XRCC4: variants seen among roughly 807,000 people sequenced by gnomAD.
XRCC4 encodes DNA repair protein XRCC4.
Under a neutral mutation model 39.1 loss-of-function variants are expected in XRCC4, and 28 were observed. That is an observed-to-expected ratio of 0.72 (90% CI 0.53 to 0.98). The LOEUF (loss-of-function observed/expected upper bound fraction) is 0.98, where lower values mean the gene tolerates loss of function less well. Ranked by LOEUF, XRCC4 falls within the 50% of genes least tolerant of loss-of-function variation. The pLI, the probability that XRCC4 is intolerant of heterozygous loss-of-function variation, is 0.00. For missense variants in XRCC4, 350 were observed against 376.4 expected (o/e 0.93, Z 0.58); for synonymous variants, 123 against 126.4 (o/e 0.97, Z 0.18).
chr5:83,194,238 G>A (rs907283339), intron 3 of XRCC4, among the ~76,000 whole-genome samples: 2 of 152,154 alleles, frequency 1.3e-5, no homozygotes, highest in Admixed American at 6.5e-5. Flanking sequence ...GAGCCACTGT[G>A]CTCGGCCAGG....
intron 2 of XRCC4, among the ~76,000 whole-genome samples, chr5:83,107,297 C>A (rs773325544): frequency 1.6e-4 from 25 of 151,864 alleles, no homozygotes; most frequent in Non-Finnish European, 2.8e-4. Context: ...TGGTACTTTA[C>A]ATGTAGACAA....
At chr5:83,087,594 T>C (rs1467708587) in intron 1 of XRCC4, among the ~76,000 whole-genome samples, 1 of 150,824 alleles carries the variant, frequency 6.6e-6, no homozygotes, top group East Asian at 2.0e-4. Context: ...GCCTGAGAGG[T>C]AGAGGTTGCA....
intron 3 of XRCC4, among the ~76,000 whole-genome samples, chr5:83,192,539 G>A (rs1750759297): frequency 6.6e-6 from 1 of 151,862 alleles, no homozygotes; most frequent in Non-Finnish European, 1.5e-5. Context: ...TCAAACTCTT[G>A]AGCTCAGGCA....
At chr5:83,097,634 T>C (rs954834899) in intron 1 of XRCC4, among the ~76,000 whole-genome samples, 2 of 152,024 alleles carry the variant, frequency 1.3e-5, no homozygotes, top group East Asian at 3.9e-4. Flanking sequence ...GGAATTGAAA[T>C]AAGAGAGGTG....
intron 7 of XRCC4, among the ~76,000 whole-genome samples, chr5:83,285,095 C>T (rs570594516): frequency 1.8e-4 from 28 of 152,222 alleles, no homozygotes; most frequent in African/African-American, 6.7e-4. Flanking sequence ...TTCTGCTTAT[C>T]TTTTAACCTC....
In XRCC4 at chr5:83,353,184, A is replaced by G. The variant is rs1451015947; in HGVS notation, c.947A>G (p.Asn316Ser). Residue 316 changes from asparagine (N) to serine (S), a missense_variant, in exon 8 of 8, where the codon AAC becomes AGC. Physicochemically the swap from Asn to Ser is conservative, Grantham distance 46. Coordinates refer to ENST00000396027, the MANE Select transcript of XRCC4 (RefSeq NM_003401.5). ...AAAAAGGAGCACATCTCAGCTGAAA[A>G]CATGTCTTTAGAAACTCTGAGAAAC... ...TSKKEHISAE[N>S]MSLETLRNSS... 6.2e-7 allele frequency: 1 copy of G among 1,612,662 alleles called. No homozygotes were observed.
intron 3 of XRCC4, among the ~76,000 whole-genome samples, chr5:83,122,525 A>G (rs1030137901): frequency 6.6e-6 from 1 of 152,132 alleles, no homozygotes; most frequent in Non-Finnish European, 1.5e-5. Context: ...GAATTTATAA[A>G]TCTTGATTTA....
At chr5:83,337,511 G>A (rs192325528) in intron 7 of XRCC4, among the ~76,000 whole-genome samples, 158 of 152,238 alleles carry the variant, frequency 1.0e-3, no homozygotes, top group African/African-American at 3.5e-3. Context: ...CCACACCAGT[G>A]TACGCTCTCC....
intron 7 of XRCC4, among the ~76,000 whole-genome samples, chr5:83,296,370 A>C (rs934105743): frequency 6.6e-6 from 1 of 152,088 alleles, no homozygotes; most frequent in African/African-American, 2.4e-5. Context: ...ATTTGCTTTC[A>C]CCTTAATTAT....
At chr5:83,244,561 A>G (rs1466799487) in intron 6 of XRCC4, among the ~76,000 whole-genome samples, 7 of 106,102 alleles carry the variant, frequency 6.6e-5, no homozygotes, top group African/African-American at 1.5e-4. Context: ...TATGCATCCA[A>G]TGACTTATGA....
the XRCC4 span, among the ~76,000 whole-genome samples, chr5:83,373,497 T>C: frequency 2.0e-5 from 3 of 152,216 alleles, no homozygotes. Flanking sequence ...CTTTTGAATA[T>C]AGTCGTGTTT....
chr5:83,259,959 C>T (rs28360236), intron 7 of XRCC4, among the ~76,000 whole-genome samples: 12,123 of 152,028 alleles, frequency 0.08, 761 homozygotes, highest in African/African-American at 0.16. Flanking sequence ...TAGTTTCTAG[C>T]GTATAAACAT....
At chr5:83,160,149 G>A (rs1749137909) in intron 3 of XRCC4, among the ~76,000 whole-genome samples, 1 of 151,952 alleles carries the variant, frequency 6.6e-6, no homozygotes, top group Non-Finnish European at 1.5e-5. Context: ...TTAAATTAAA[G>A]AACAATTAAA....
chr5:83,147,816 A>T (rs540499061), intron 3 of XRCC4, among the ~76,000 whole-genome samples: 1 of 150,566 alleles, frequency 6.6e-6, no homozygotes, highest in South Asian at 2.1e-4. Flanking sequence ...TTTGACACAC[A>T]GTTTAACTCT....
chr5:83,195,046 A>G (rs1750880514), intron 3 of XRCC4, among the ~76,000 whole-genome samples: 1 of 152,172 alleles, frequency 6.6e-6, no homozygotes, highest in Non-Finnish European at 1.5e-5. Context: ...TATAATCATT[A>G]TTACTAATCA....
chr5:83,227,257 T>G (rs1752326028), intron 6 of XRCC4, among the ~76,000 whole-genome samples: 1 of 152,146 alleles, frequency 6.6e-6, no homozygotes, highest in Non-Finnish European at 1.5e-5. Flanking sequence ...TCATTGCACC[T>G]AGTTCATTCA....
rs1430365631 is a variant in XRCC4, at chr5:83,161,914, C to G, written c.316-33856C>G. ...AATGTTATTCAATCTTCCTGTAATC[C>G]CAGCATTTTGGGAGGCCAAGGCAGG... On this transcript the variant is annotated intron_variant, in intron 3 of 7. Transcript: ENST00000396027. 2.0e-5 allele frequency among the ~76,000 whole-genome samples: 3 copies of G among 152,000 alleles called. No homozygotes were observed. In the East Asian group the frequency reaches 5.8e-4, roughly 29 times the overall value.
chr5:83,111,275 A>T (rs1007935745), intron 3 of XRCC4, 72 bp downstream of exon 3: 18 of 1,299,080 alleles, frequency 1.4e-5, no homozygotes, highest in Non-Finnish European at 1.9e-5. Flanking sequence ...ATTTAAATTT[A>T]AGTGACTACT....
intron 3 of XRCC4, among the ~76,000 whole-genome samples, chr5:83,117,571 T>G (rs552038019): frequency 6.6e-6 from 1 of 152,188 alleles, no homozygotes; most frequent in South Asian, 2.1e-4. Flanking sequence ...TCTGTGCAAT[T>G]TTTAAGTGAT....
Sources: allele counts gnomAD v4.1 joint callset (sites outside exome capture counted in the v4.1 genomes callset), GRCh38; gene constraint gnomAD v4.1.1; transcripts MANE v1.5; gene names NCBI Gene and HGNC (gene_info 2026-07-23, HGNC 2026-07-21).